GRIN2B: variants seen among roughly 807,000 people sequenced by gnomAD.
The protein encoded by GRIN2B is glutamate ionotropic receptor NMDA type subunit 2B, also known as glutamate receptor ionotropic, NMDA 2B.
In GRIN2B, 5 loss-of-function variants were observed where a neutral mutation model predicts 114.5. The ratio of observed to expected loss-of-function variants is 0.04; its 90% CI spans 0.02 to 0.09. GRIN2B has a LOEUF of 0.09. GRIN2B is among the 10% of genes least tolerant of loss of function. The pLI, the probability that GRIN2B is intolerant of heterozygous loss-of-function variation, is 1.00. For synonymous variants in GRIN2B, 787 were observed against 745.1 expected (o/e 1.06, Z -0.92); for missense variants, 1,108 against 1,943.5 (o/e 0.57, Z 8.08).
chr12:13,574,520 A>AATTATTACACTTTAATTTT (rs1220758551), intron 10 of GRIN2B, among the ~76,000 whole-genome samples: 2 of 152,178 alleles, frequency 1.3e-5, no homozygotes, highest in Non-Finnish European at 2.9e-5. Flanking sequence ...TTCTGGTATA[A>AATTATTACACTTTAATTTT]ATTATTACAC....
chr12:13,650,428 A>G (rs1565488873), intron 5 of GRIN2B, among the ~76,000 whole-genome samples: 1 of 151,966 alleles, frequency 6.6e-6, no homozygotes, highest in East Asian at 1.9e-4. Context: ...CTCACTTACA[A>G]TTCAGCAGAC....
chr12:13,942,937 T>C (rs219913), intron 2 of GRIN2B, among the ~76,000 whole-genome samples: 96,606 of 151,914 alleles, frequency 0.64, 31,249 homozygotes, highest in East Asian at 0.95. Flanking sequence ...TTGGCTGGCA[T>C]TTTGATCACA....
intron 3 of GRIN2B, among the ~76,000 whole-genome samples, chr12:13,791,769 ATC>A (rs1240279978): frequency 6.6e-6 from 1 of 152,226 alleles, no homozygotes; most frequent in Non-Finnish European, 1.5e-5. Context: ...TAATTAGTGT[ATC>A]CATCACATTT....
intron 2 of GRIN2B, among the ~76,000 whole-genome samples, chr12:13,921,046 A>G (rs1866813966): frequency 6.6e-6 from 1 of 152,324 alleles, no homozygotes; most frequent in Admixed American, 6.5e-5. Flanking sequence ...AATTTTGGAA[A>G]TTTATTTTTA....
At chr12:13,566,332 T>C (rs1341209975) in intron 13 of GRIN2B, among the ~76,000 whole-genome samples, 1 of 152,214 alleles carries the variant, frequency 6.6e-6, no homozygotes, top group Non-Finnish European at 1.5e-5. Flanking sequence ...GTCTCTCCAC[T>C]TTATTAACAA....
At chr12:13,708,481 T>C (rs962760771) in intron 4 of GRIN2B, among the ~76,000 whole-genome samples, 1 of 152,118 alleles carries the variant, frequency 6.6e-6, no homozygotes, top group African/African-American at 2.4e-5. Context: ...TGATTTCATT[T>C]ATCATCTGTT....
chr12:13,579,471 ATAAAGT>A (rs1392216257), intron 10 of GRIN2B, among the ~76,000 whole-genome samples: 1 of 152,216 alleles, frequency 6.6e-6, no homozygotes, highest in Non-Finnish European at 1.5e-5. Context: ...CACCTACCTC[ATAAAGT>A]TTAAGTATTC....
At chr12:13,836,371 G>T (rs1036367030) in intron 3 of GRIN2B, among the ~76,000 whole-genome samples, 2 of 152,106 alleles carry the variant, frequency 1.3e-5, no homozygotes, top group Admixed American at 1.3e-4. Flanking sequence ...TAAGGGGGAA[G>T]AAAAAACATT....
intron 3 of GRIN2B, among the ~76,000 whole-genome samples, 179 bp from the exon 4 acceptor site, chr12:13,754,094 A>C (rs913517473): frequency 1.3e-5 from 2 of 152,240 alleles, no homozygotes; most frequent in African/African-American, 4.8e-5. Context: ...AGATATTTGT[A>C]ATACTTTTCT....
chr12:13,859,500 G>A (rs1450342862), intron 3 of GRIN2B, among the ~76,000 whole-genome samples: 2 of 152,196 alleles, frequency 1.3e-5, no homozygotes, highest in Admixed American at 6.5e-5. Context: ...TCACTACAAA[G>A]TTTCCAGTGC....
rs561396519 is a variant in GRIN2B at position 13,822,612 on chromosome 12, T to TGTTAAGTCTCATAAAACCATACAA, written c.411+43162_411+43185dup. On this transcript the variant is annotated intron_variant, in intron 3 of 13. Transcript: ENST00000609686. ...CATGCCAAGCACTTTACAACACCTC[T>TGTTAAGTCTCATAAAACCATACAA]GTTAAGTCTCATAAAACCATACAAA... Among the ~76,000 whole-genome samples, 74 of 152,244 alleles carry TGTTAAGTCTCATAAAACCATACAA rather than the reference T, an allele frequency of 4.9e-4. 1 individual carries two copies. The South Asian group carries it at 0.015, about 31-fold the overall frequency.
At position 13,615,334 on chromosome 12, in the gene GRIN2B, A is replaced by G; in HGVS notation, c.1501-67T>C. On this transcript the variant is annotated intron_variant, in intron 7 of 13. Transcript: ENST00000609686. This position sits in a 1 kb window ranked among gnomAD's most constrained non-coding sequence, Gnocchi z 5.8. ...GGCAAGGGACCACCACAAGGAAAAT[A>G]CAGCCTATCAGTGGTTTTCTTTGTA... 3 of 1,528,182 alleles carry G rather than the reference A, an allele frequency of 2.0e-6. No homozygotes were observed. Among genetic ancestry groups the G allele is most frequent in the Non-Finnish European group, 2.7e-6 (3 of 1,102,040 alleles). 94.7% of individuals were successfully genotyped at this position (1,528,182 alleles called of 1,614,324 possible).
rs901169954 is a variant in GRIN2B, at chr12:13,557,979, G to A, written c.*4804C>T. 6.6e-6 allele frequency: 1 copy of A among 152,172 alleles called. No homozygotes were observed. The highest frequency in any genetic ancestry group is 1.5e-5 in the Non-Finnish European group (1 of 68,040). The allele number at this position is 152,172 out of a possible 1,614,324, so 9.4% of individuals were successfully genotyped here. ...GAAGGTGGTAGTTGCAGTGGGGTGG[G>A]AAATGAAAAAGACCTTTTCAGGACC... On this transcript the variant is annotated 3_prime_UTR_variant, in exon 14 of 14. Coordinates refer to ENST00000609686, the MANE Select transcript of GRIN2B (RefSeq NM_000834.5).
At chr12:13,862,858 C>A (rs2136742876) in intron 3 of GRIN2B, among the ~76,000 whole-genome samples, 1 of 152,314 alleles carries the variant, frequency 6.6e-6, no homozygotes, top group Non-Finnish European at 1.5e-5. Flanking sequence ...CTCCAGGTAG[C>A]TCCTGCCACC....
chr12:13,863,316 T>C (rs149176814), intron 3 of GRIN2B, among the ~76,000 whole-genome samples: 25 of 152,324 alleles, frequency 1.6e-4, no homozygotes, highest in Middle Eastern at 3.4e-3. Context: ...TTATAAATCA[T>C]GTAATAGATC....
chr12:13,916,953 T>G (rs1259338316), intron 2 of GRIN2B, among the ~76,000 whole-genome samples: 1 of 151,582 alleles, frequency 6.6e-6, no homozygotes, highest in Non-Finnish European at 1.5e-5. Flanking sequence ...AGTTGCAACT[T>G]AAAGAACAAA....
intron 3 of GRIN2B, among the ~76,000 whole-genome samples, chr12:13,764,429 C>A (rs1863739472): frequency 6.6e-6 from 1 of 152,128 alleles, no homozygotes; most frequent in African/African-American, 2.4e-5. Context: ...GATAAAGACC[C>A]CAACGGAATG....
intron 3 of GRIN2B, among the ~76,000 whole-genome samples, chr12:13,790,487 A>G (rs1286054437): frequency 6.6e-6 from 1 of 152,262 alleles, no homozygotes. Flanking sequence ...CCTGACCCAG[A>G]TGAAAATGTT....
At chr12:13,650,892 G>A (rs979021006) in intron 5 of GRIN2B, among the ~76,000 whole-genome samples, 2 of 152,078 alleles carry the variant, frequency 1.3e-5, no homozygotes, top group African/African-American at 4.8e-5. Flanking sequence ...TCGAGTAGTA[G>A]ATTAGTTCCT....
Sources: gnomAD v4.1 joint callset for allele counts (sites outside exome capture counted in the v4.1 genomes callset) on GRCh38, gnomAD v4.1.1 for gene constraint, Gnocchi (gnomAD v3.1) non-coding constraint, MANE v1.5 for transcripts, NCBI Gene and HGNC (gene_info 2026-07-23, HGNC 2026-07-21) for gene names.